The following FSTL4 variants were observed in gnomAD, a reference collection of about 807,000 sequenced individuals.
The protein encoded by FSTL4 is follistatin like 4.
A neutral mutation model predicts 78.2 loss-of-function variants in FSTL4; 28 were observed. The ratio of observed to expected loss-of-function variants is 0.36; its 90% CI spans 0.27 to 0.49. The LOEUF (loss-of-function observed/expected upper bound fraction) is 0.49. FSTL4 is among the 20% of genes least tolerant of loss of function. FSTL4 has a pLI of 0.98. For synonymous variants in FSTL4, 422 were observed against 440.5 expected (o/e 0.96, Z 0.53); for missense variants, 922 against 1,084.9 (o/e 0.85, Z 2.11).
intron 2 of FSTL4, among the ~76,000 whole-genome samples, chr5:133,572,624 T>TA (rs769933966): frequency 6.6e-6 from 1 of 152,026 alleles, no homozygotes; most frequent in African/African-American, 2.4e-5. Context: ...CAACAAGCAT[T>TA]AAAAAAACCA....
In FSTL4 at chr5:133,445,105, AG is replaced by A. The variant is rs559815856; in HGVS notation, c.161-44120del. Reference sequence around the variant, plus strand: ...CTTGAAGGGTAAGGACTGAAGACCCAGCAATCCAGACCTGCTTCTGCTCCCA... The same window carrying A: ...CTTGAAGGGTAAGGACTGAAGACCCACAATCCAGACCTGCTTCTGCTCCCA... On this transcript the variant is annotated intron_variant, in intron 3 of 15. Transcript: ENST00000265342. Among the ~76,000 whole-genome samples the A allele has an allele frequency of 7.2e-5, 11 of 152,386 alleles. No homozygotes were observed. The South Asian group carries it at 2.3e-3, about 32-fold the overall frequency.
chr5:133,773,611 G>C, the FSTL4 span, among the ~76,000 whole-genome samples: 6 of 152,160 alleles, frequency 3.9e-5, no homozygotes, highest in African/African-American at 1.4e-4. Flanking sequence ...CCCAGTAACA[G>C]CTTCTTTCCT....
intron 3 of FSTL4, among the ~76,000 whole-genome samples, chr5:133,439,333 G>A (rs1354386994): frequency 6.6e-6 from 1 of 151,812 alleles, no homozygotes; most frequent in Non-Finnish European, 1.5e-5. Flanking sequence ...GACATGACCG[G>A]GCCCAAACTT....
At chr5:133,603,123 T>G in intron 2 of FSTL4, among the ~76,000 whole-genome samples, 1 of 152,148 alleles carries the variant, frequency 6.6e-6, no homozygotes, top group Non-Finnish European at 1.5e-5. Context: ...GTGAAGTCAT[T>G]CCTTAAGAGT....
At chr5:133,278,534 T>G (rs1034835245) in intron 6 of FSTL4, among the ~76,000 whole-genome samples, 8 of 152,162 alleles carry the variant, frequency 5.3e-5, no homozygotes, top group African/African-American at 1.9e-4. Flanking sequence ...GGGTGTGTCT[T>G]AGTGATGACT....
chr5:133,645,507 C>G, the FSTL4 span, among the ~76,000 whole-genome samples: 3 of 152,092 alleles, frequency 2.0e-5, no homozygotes, highest in African/African-American at 7.2e-5. Context: ...GACAAATGTT[C>G]TTTGAGAACT....
the FSTL4 span, among the ~76,000 whole-genome samples, chr5:133,668,603 G>A: frequency 6.6e-6 from 1 of 152,204 alleles, no homozygotes; most frequent in Non-Finnish European, 1.5e-5. Context: ...CCTTGTGCTA[G>A]ACCTTCTGAC....
chr5:133,239,552 T>A (rs1751771083), intron 7 of FSTL4, among the ~76,000 whole-genome samples: 1 of 152,144 alleles, frequency 6.6e-6, no homozygotes, highest in Non-Finnish European at 1.5e-5. Context: ...GCTCATGGTT[T>A]GTGAATGCAC....
chr5:133,208,579 C>CT (rs2126769031), intron 14 of FSTL4, among the ~76,000 whole-genome samples: 1 of 152,334 alleles, frequency 6.6e-6, no homozygotes, highest in African/African-American at 2.4e-5. Context: ...CACTTCACGG[C>CT]TCAACCTCTT....
At chr5:133,819,806 C>A in the FSTL4 span, among the ~76,000 whole-genome samples, 3 of 152,198 alleles carry the variant, frequency 2.0e-5, no homozygotes, top group Non-Finnish European at 4.4e-5. Flanking sequence ...GGCTGAGGGA[C>A]CTCCACATCA....
the FSTL4 span, among the ~76,000 whole-genome samples, chr5:133,820,968 C>T: frequency 1.3e-5 from 2 of 152,110 alleles, no homozygotes; most frequent in East Asian, 1.9e-4. Context: ...GGAGATGTTT[C>T]GGATTTGAAG....
chr5:133,377,298 G>A (rs1755458361), intron 4 of FSTL4, among the ~76,000 whole-genome samples: 1 of 151,006 alleles, frequency 6.6e-6, no homozygotes, highest in African/African-American at 2.5e-5. Context: ...GCTGGGAGAA[G>A]TGAACTGAGA....
the FSTL4 span, among the ~76,000 whole-genome samples, chr5:133,764,380 C>T: frequency 3.9e-5 from 6 of 152,172 alleles, no homozygotes; most frequent in Middle Eastern, 3.4e-3. Context: ...ACAGCGGGCC[C>T]GTATGATGCA....
chr5:133,798,068 C>G, the FSTL4 span, among the ~76,000 whole-genome samples: 1 of 152,206 alleles, frequency 6.6e-6, no homozygotes, highest in Admixed American at 6.5e-5. Context: ...TATAGCTGAG[C>G]CAAAGCAAGT....
At chr5:133,341,922 T>G (rs1304862866) in intron 4 of FSTL4, among the ~76,000 whole-genome samples, 1 of 152,164 alleles carries the variant, frequency 6.6e-6, no homozygotes, top group Non-Finnish European at 1.5e-5. Flanking sequence ...AGAGAGCTAG[T>G]AGCTTTGCCA....
chr5:133,714,209 A>G, the FSTL4 span, among the ~76,000 whole-genome samples: 1 of 152,218 alleles, frequency 6.6e-6, no homozygotes, highest in African/African-American at 2.4e-5. Flanking sequence ...AGAAAAAAAT[A>G]AAATACCAGA....
In FSTL4 at chr5:133,232,804, G is replaced by A. The variant is rs145946336; in HGVS notation, c.1015+613C>T. ...CAGGGACTGACCAAGGCAAGTGCTG[G>A]GAAAACCCTGGCTACTGTCATCAGG... On this transcript the variant is annotated intron_variant, in intron 8 of 15. Coordinates refer to ENST00000265342, the MANE Select transcript of FSTL4 (RefSeq NM_015082.2). Among the ~76,000 whole-genome samples, 92 of 152,280 alleles carry A rather than the reference G, an allele frequency of 6.0e-4. 2 individuals carry two copies. The highest frequency in any genetic ancestry group is 3.4e-3 in the Middle Eastern group (1 of 294).
the FSTL4 span, among the ~76,000 whole-genome samples, chr5:133,821,358 C>T: frequency 6.6e-6 from 1 of 152,152 alleles, no homozygotes; most frequent in Non-Finnish European, 1.5e-5. Context: ...CTGAATTTAG[C>T]AGGAGGGAGA....
In FSTL4 at chr5:133,220,879, A is replaced by G; in HGVS notation, c.1340-13T>C. On this transcript the variant is annotated splice_polypyrimidine_tract_variant and intron_variant, in intron 11 of 15. Transcript: ENST00000265342. ...CCCACGCTGAGGCCTGGGAGGAGCAAATGGAATGGGCATGCCCTCCAAGCA... is the reference window on the plus strand; with the variant it reads ...CCCACGCTGAGGCCTGGGAGGAGCAGATGGAATGGGCATGCCCTCCAAGCA... The G allele has an allele frequency of 2.0e-6, 3 of 1,474,118 alleles. No individual in the cohort carries two copies. The highest frequency in any genetic ancestry group is 2.9e-6 in the Non-Finnish European group (3 of 1,052,258). 91.3% of individuals were successfully genotyped at this position (1,474,118 alleles called of 1,614,324 possible).
Sources: allele counts gnomAD v4.1 joint callset (sites outside exome capture counted in the v4.1 genomes callset), GRCh38; gene constraint gnomAD v4.1.1; transcripts MANE v1.5; gene names NCBI Gene and HGNC (gene_info 2026-07-23, HGNC 2026-07-21).